Variants in NCOR1 observed in about 807,000 individuals in gnomAD.
The protein encoded by NCOR1 is nuclear receptor corepressor 1, also known as protein phosphatase 1, regulatory subunit 109.
In NCOR1, 63 loss-of-function variants were observed where a neutral mutation model predicts 288.1. The observed-to-expected ratio is 0.22, with a 90% CI of 0.18 to 0.27. The LOEUF is 0.27. Among genes scored for constraint, NCOR1 ranks in the 10% least tolerant of loss-of-function variants. The pLI, the probability that NCOR1 is intolerant of heterozygous loss-of-function variation, is 1.00. For synonymous variants in NCOR1, 1,007 were observed against 1,065.9 expected (o/e 0.94, Z 1.08); for missense variants, 2,397 against 3,019.2 (o/e 0.79, Z 4.83).
intron 4 of NCOR1, among the ~76,000 whole-genome samples, chr17:16,170,107 C>CTGTGTGTGTGTGTGTGTGTGTGTGTGTG (rs61345864): frequency 6.8e-6 from 1 of 147,578 alleles, no homozygotes; most frequent in East Asian, 2.0e-4. Flanking sequence ...TATTTGCTTT[C>CTGTGTGTGTGTGTGTGTGTGTGTGTGTG]TGTGTGTGTG....
chr17:16,179,652 T>A (rs1307745265), intron 3 of NCOR1, among the ~76,000 whole-genome samples: 1 of 152,164 alleles, frequency 6.6e-6, no homozygotes. Context: ...TTTAAGTTGA[T>A]ATCTAAGTCA....
At chr17:16,061,262 C>A (rs931119044) in intron 37 of NCOR1, 139 bp downstream of exon 37, 17 of 1,057,868 alleles carry the variant, frequency 1.6e-5, no homozygotes, top group Non-Finnish European at 2.3e-5. Flanking sequence ...ATCATAAAAA[C>A]AGCAGAAGAT....
intron 6 of NCOR1, among the ~76,000 whole-genome samples, 200 bp downstream of exon 6, chr17:16,158,560 A>C (rs945659284): frequency 6.6e-6 from 1 of 152,234 alleles, no homozygotes; most frequent in African/African-American, 2.4e-5. Context: ...ACATAATTTA[A>C]GGCACAACTG....
chr17:16,208,036 T>C (rs2091737910), intron 1 of NCOR1, among the ~76,000 whole-genome samples: 1 of 36,110 alleles, frequency 2.8e-5, no homozygotes, highest in Non-Finnish European at 6.6e-5. Context: ...TATTTCTTTC[T>C]TTTTTTTTTT....
intron 22 of NCOR1, among the ~76,000 whole-genome samples, chr17:16,090,260 T>G (rs1455908073): frequency 6.6e-6 from 1 of 152,164 alleles, no homozygotes; most frequent in South Asian, 2.1e-4. Context: ...TGCCTTGTCA[T>G]AAGTTCAACA....
intron 2 of NCOR1, among the ~76,000 whole-genome samples, chr17:16,187,412 C>T (rs1403994501): frequency 6.6e-6 from 1 of 151,380 alleles, no homozygotes; most frequent in African/African-American, 2.4e-5. Flanking sequence ...ATAAAAACAA[C>T]CAAAATGTCC....
At chr17:16,119,311 CTT>C in intron 17 of NCOR1, 110 bp downstream of exon 17, 1 of 771,274 alleles carries the variant, frequency 1.3e-6, no homozygotes, top group African/African-American at 1.8e-5. Flanking sequence ...TCCTCTTTGC[CTT>C]TTTGAAAGAA....
At position 16,039,775 on chromosome 17, in the gene NCOR1, C is replaced by T; in HGVS notation, c.6734-121G>A. 3 of 846,142 alleles carry T rather than the reference C, an allele frequency of 3.5e-6. No individual in the cohort carries two copies. In the South Asian group the frequency reaches 5.0e-5, roughly 14 times the overall value. 52.4% of individuals were successfully genotyped at this position (846,142 alleles called of 1,614,324 possible). A position where few individuals can be genotyped will look rare whatever the true frequency, so the allele number is the denominator to read the frequency against. The stretch of plus-strand genomic sequence containing the variant: ...CTTGGCAAGTGACCTAGAACAATAC[C>T]AGGACCCACCACACAGAGACCTTTT... On this transcript the variant is annotated intron_variant, in intron 43 of 45. Coordinates refer to ENST00000268712, the MANE Select transcript of NCOR1 (RefSeq NM_006311.4).
chr17:16,064,640 A>G (rs780428142), intron 34 of NCOR1, among the ~76,000 whole-genome samples: 2 of 152,088 alleles, frequency 1.3e-5, no homozygotes. Flanking sequence ...AAAGAGAAAA[A>G]GAAGTTTGTT....
intron 1 of NCOR1, among the ~76,000 whole-genome samples, chr17:16,215,080 G>C (rs1252148929): frequency 6.6e-6 from 1 of 152,164 alleles, no homozygotes; most frequent in Non-Finnish European, 1.5e-5. Context: ...CTCCGCACAG[G>C]ACACCTCGGG....
Position 16,197,192 on chromosome 17 carries a change from G to T in NCOR1, c.-70-2553C>A, listed in dbSNP as rs184310321. 2.5e-3 allele frequency among the ~76,000 whole-genome samples: 373 copies of T among 151,860 alleles called. 2 individuals are homozygous for T. Among genetic ancestry groups the T allele is most frequent in the African/African-American group, 8.5e-3 (352 of 41,412 alleles). On this transcript the variant is annotated intron_variant, in intron 1 of 45. Transcript: ENST00000268712. ...AAAAATTAGCCACGCATGGTGGCGC[G>T]TGCCTGTAAACCCAGCTGCTCGGGA... is the stretch of plus-strand genomic sequence containing the variant.
intron 10 of NCOR1, 97 bp from the exon 11 acceptor site, chr17:16,143,793 T>C: frequency 1.2e-6 from 1 of 837,462 alleles, no homozygotes; most frequent in Non-Finnish European, 1.9e-6. Flanking sequence ...ATGGAACTTT[T>C]TAACCAAGTT....
chr17:16,038,827 G>C (rs2056980882), intron 44 of NCOR1, among the ~76,000 whole-genome samples: 1 of 152,156 alleles, frequency 6.6e-6, no homozygotes, highest in Non-Finnish European at 1.5e-5. Context: ...CTGGAGTGCA[G>C]TGGTGTGATC....
chr17:16,094,387 A>C (rs952916152), intron 21 of NCOR1, among the ~76,000 whole-genome samples: 1 of 152,192 alleles, frequency 6.6e-6, no homozygotes, highest in African/African-American at 2.4e-5. Flanking sequence ...ACAATTAAAA[A>C]CTTTTACCAC....
chr17:16,098,303 G>A, intron 21 of NCOR1, 64 bp downstream of exon 21: 1 of 1,497,040 alleles, frequency 6.7e-7, no homozygotes, highest in Middle Eastern at 1.7e-4. Context: ...AAGAACAGAA[G>A]AAATATGTCT....
intron 20 of NCOR1, among the ~76,000 whole-genome samples, chr17:16,099,434 A>G (rs899977724): frequency 9.2e-5 from 14 of 152,254 alleles, no homozygotes; most frequent in Admixed American, 6.5e-5. Flanking sequence ...AGATTATATT[A>G]AAGCTATAGG....
At chr17:16,089,240 C>T (rs1026606619) in intron 22 of NCOR1, among the ~76,000 whole-genome samples, 10 of 151,454 alleles carry the variant, frequency 6.6e-5, no homozygotes, top group African/African-American at 1.5e-4. Context: ...AAACATGCAA[C>T]AAACTAGGGT....
intron 7 of NCOR1, 75 bp from the exon 8 acceptor site, chr17:16,152,073 A>ATT: frequency 1.9e-6 from 2 of 1,033,066 alleles, no homozygotes; most frequent in South Asian, 1.6e-5. Context: ...ACATAATTTT[A>ATT]ATGTAAGCAC....
intron 42 of NCOR1, among the ~76,000 whole-genome samples, chr17:16,044,186 A>AG (rs2058258869): frequency 6.6e-6 from 1 of 151,206 alleles, no homozygotes; most frequent in Admixed American, 6.6e-5. Flanking sequence ...AAAAAAAAAA[A>AG]AAGAAAGAAA....
Sources: allele counts gnomAD v4.1 joint callset (sites outside exome capture counted in the v4.1 genomes callset), GRCh38; gene constraint gnomAD v4.1.1; transcripts MANE v1.5; gene names NCBI Gene and HGNC (gene_info 2026-07-23, HGNC 2026-07-21).